LCN8: variants seen among roughly 807,000 people sequenced by gnomAD.
The protein encoded by LCN8 is lipocalin 8, also known as epididymal-specific lipocalin-8.
In LCN8, 16 loss-of-function variants were observed where a neutral mutation model predicts 22.8. The ratio of observed to expected loss-of-function variants is 0.70; its 90% confidence interval spans 0.47 to 1.06. LCN8 has a LOEUF of 1.06. Ranked by LOEUF, LCN8 falls within the 50% of genes least tolerant of loss-of-function variation. The pLI, the probability that LCN8 is intolerant of heterozygous loss-of-function variation, is 0.00. For synonymous variants in LCN8, 92 were observed against 83.4 expected (o/e 1.10, Z -0.56); for missense variants, 189 against 203.3 (o/e 0.93, Z 0.43).
chr9:136,758,002 C>T lies in LCN8; in HGVS notation c.-72G>A, dbSNP rs571140671. The T allele has an allele frequency of 8.0e-5, 128 of 1,590,376 alleles. 1 individual carries two copies. The highest frequency in any genetic ancestry group is 9.4e-5 in the Non-Finnish European group (110 of 1,170,264). ...GTGCACGGCAGCCTGGCCTCCGTGG[C>T]GGGGTCCGGGCTCCGGGTTCCCCTG... On this transcript the variant is annotated 5_prime_UTR_variant, in exon 1 of 7. Transcript: ENST00000371688.
At chr9:136,756,625 G>C in intron 2 of LCN8, 33 bp from the exon 3 acceptor site, 2 of 1,609,206 alleles carry the variant, frequency 1.2e-6, no homozygotes, top group Non-Finnish European at 1.7e-6. Flanking sequence ...TCGGTAAAAT[G>C]CTAGCCTGTG....
chr9:136,755,466 G>C lies in LCN8; in HGVS notation c.277C>G (p.Leu93Val). 6.2e-7 allele frequency: 1 copy of C among 1,613,348 alleles called. No individual in the cohort carries two copies. Among genetic ancestry groups the C allele is most frequent in the Non-Finnish European group, 8.5e-7 (1 of 1,180,012 alleles). ...CCCCGCCACATCAGGGACACCCGCA[G>C]GATGGCGTAGCCCTCGTAGTCGGTG... ...LDTDYEGYAILRVSLMWRGRN... is the reference protein window; with the variant it reads ...LDTDYEGYAIVRVSLMWRGRN... Residue 93 changes from leucine to valine, a missense_variant, in exon 4 of 7, where the codon CTG becomes GTG. Leu to Val is a conservative substitution (Grantham distance 32). Coordinates refer to ENST00000371688, the MANE Select transcript of LCN8 (RefSeq NM_178469.4).
chr9:136,755,587 G>C lies in LCN8; in HGVS notation c.227-71C>G. The C allele has an allele frequency of 3.9e-6, 6 of 1,547,674 alleles. No homozygotes were observed. The South Asian group carries it at 7.1e-5, about 18-fold the overall frequency. On this transcript the variant is annotated intron_variant, in intron 3 of 6. Coordinates refer to ENST00000371688, the MANE Select transcript of LCN8 (RefSeq NM_178469.4). Reference sequence around the variant, plus strand: ...GGACCTCGAAGGCCAGGGTCTGCAGGGTCTAACTCCATCCTGCCCCCACCC... The same window carrying C: ...GGACCTCGAAGGCCAGGGTCTGCAGCGTCTAACTCCATCCTGCCCCCACCC...
At chr9:136,757,507 T>G in intron 1 of LCN8, 1 of 1,345,152 alleles carries the variant, frequency 7.4e-7, no homozygotes, top group Non-Finnish European at 9.6e-7. Context: ...AGCAGAGGCC[T>G]GGAAAAGAAA....
At position 136,756,601 on chromosome 9, in the gene LCN8, C is replaced by A; in HGVS notation, c.156-9G>T. 1 of 1,612,552 alleles carries A rather than the reference C, an allele frequency of 6.2e-7. No homozygotes were observed. The highest frequency in any genetic ancestry group is 8.5e-7 in the Non-Finnish European group (1 of 1,178,988). ...TCTCACAGCTTCCTGAGCTGAAAGG[C>A]AGCAAAGTGCCCATCGGTAAAATGC... On this transcript the variant is annotated splice_polypyrimidine_tract_variant and intron_variant, in intron 2 of 6. Coordinates refer to ENST00000371688, the MANE Select transcript of LCN8 (RefSeq NM_178469.4).
rs138769056 is a variant in LCN8 at position 136,755,253 on chromosome 9, C to A, written c.412G>T (p.Ala138Ser). 590 of 1,612,588 alleles carry A rather than the reference C, an allele frequency of 3.7e-4. 1 individual carries two copies. The African/African-American group carries it at 7.2e-3, about 20-fold the overall frequency. The change falls in exon 5 of 7, where the codon GCC becomes TCC. Residue 138 changes from alanine (A) to serine (S), a missense_variant. By Grantham distance (99) the Ala-to-Ser change is moderately conservative (BLOSUM62 1). Coordinates refer to ENST00000371688, the MANE Select transcript of LCN8 (RefSeq NM_178469.4). ...LTADTGLYLA[A>S]RPGRCAELLK... ...AGGCCCCTGGGCTCACCAGGCCGGG[C>A]CGCCAGGTAGAGACCAGTGTCTGCT...
chr9:136,755,651 T>C, intron 3 of LCN8, 135 bp from the exon 4 acceptor site: 1 of 1,406,256 alleles, frequency 7.1e-7, no homozygotes, highest in Non-Finnish European at 9.3e-7. Flanking sequence ...CTACAGAAGC[T>C]TTTGAAGGAT....
chr9:136,757,755 G>T, intron 1 of LCN8, 152 bp downstream of exon 1: 1 of 1,551,126 alleles, frequency 6.4e-7, no homozygotes, highest in East Asian at 2.4e-5. Context: ...AGCCGGCACA[G>T]ACTCAGCGGA....
intron 2 of LCN8, among the ~76,000 whole-genome samples, chr9:136,756,799 C>G (rs990602578): frequency 1.3e-5 from 2 of 152,224 alleles, no homozygotes; most frequent in African/African-American, 4.8e-5. Context: ...CTGTCCCACA[C>G]CCCTTTTCCT....
rs745846838 is a variant in LCN8 at position 136,755,351 on chromosome 9, G to A, written c.332-18C>T. The A allele has an allele frequency of 1.4e-5, 23 of 1,609,840 alleles. No individual in the cohort carries two copies. The highest frequency in any genetic ancestry group is 2.2e-5 in the East Asian group (1 of 44,880). ...GCTCCGAGCTGTGGGGCACAGGGGG[G>A]CTGGGCGGGCAGTCCCTGGGAGAGC... is the stretch of plus-strand genomic sequence containing the variant. On this transcript the variant is annotated intron_variant, in intron 4 of 6. Coordinates refer to ENST00000371688, the MANE Select transcript of LCN8 (RefSeq NM_178469.4).
intron 6 of LCN8, chr9:136,754,785 G>A: frequency 1.5e-6 from 2 of 1,374,074 alleles, no homozygotes; most frequent in Non-Finnish European, 1.9e-6. Context: ...CCGCCGACGG[G>A]ACCTTCGGGG....
In LCN8 at chr9:136,757,030, C is replaced by A. The variant is rs991117154; in HGVS notation, c.155+8G>T. The A allele has an allele frequency of 1.2e-6, 2 of 1,612,492 alleles. No homozygotes were observed. The highest frequency in any genetic ancestry group is 8.5e-7 in the Non-Finnish European group (1 of 1,179,462). ...CTCTTCCTCTCCAGCAGCCCCCAGG[C>A]CTCTTACCTGTTATATGCAACCTTC... On this transcript the variant is annotated splice_region_variant and intron_variant, in intron 2 of 6. Transcript: ENST00000371688.
Position 136,755,161 on chromosome 9 carries a change from C to G in LCN8, c.422-1G>C. 6.2e-7 allele frequency: 1 copy of G among 1,600,094 alleles called. No homozygotes were observed. The highest frequency in any genetic ancestry group is 8.5e-7 in the Non-Finnish European group (1 of 1,172,648). ...TCCTTCAGGAGCTCGGCACACCGCC[C>G]TGCAGGATAGGCCAGCATGAGGAGC... On this transcript the variant is annotated splice_acceptor_variant, in intron 5 of 6. Coordinates refer to ENST00000371688, the MANE Select transcript of LCN8 (RefSeq NM_178469.4). LOFTEE classifies it high-confidence loss of function.
Position 136,755,261 on chromosome 9 carries a change from TAG to T in LCN8, c.402_403del (p.Tyr135ProfsTer50), listed in dbSNP as rs778146427. The T allele has an allele frequency of 6.2e-7, 1 of 1,612,462 alleles. No individual in the cohort carries two copies. Among genetic ancestry groups the T allele is most frequent in the East Asian group, 2.2e-5 (1 of 44,874 alleles). On this transcript the variant is annotated frameshift_variant, in exon 5 of 7. Coordinates refer to ENST00000371688, the MANE Select transcript of LCN8 (RefSeq NM_178469.4). LOFTEE classifies it high-confidence loss of function. Reference sequence around the variant, plus strand: ...GGGCTCACCAGGCCGGGCCGCCAGGTAGAGACCAGTGTCTGCTGTCAGCTCCC... The same window carrying T: ...GGGCTCACCAGGCCGGGCCGCCAGGTAGACCAGTGTCTGCTGTCAGCTCCC...
intron 1 of LCN8, 73 bp from the exon 2 acceptor site, chr9:136,757,241 C>G (rs113523961): frequency 1.2e-5 from 19 of 1,557,300 alleles, no homozygotes; most frequent in Non-Finnish European, 1.5e-5. Flanking sequence ...CACGAACCCC[C>G]GGGCAGGGGC....
At position 136,757,902 on chromosome 9, in the gene LCN8, G is replaced by A; in HGVS notation, c.24+5C>T. The stretch of plus-strand genomic sequence containing the variant: ...GAGCCCCACCAACTAAGAAGGAGAA[G>A]CCACCTTCTGCCGGTCCAGCTCCTC... On this transcript the variant is annotated splice_donor_5th_base_variant and intron_variant, in intron 1 of 6. Transcript: ENST00000371688. 1.9e-6 allele frequency: 3 copies of A among 1,613,750 alleles called. No individual in the cohort carries two copies. The South Asian group carries it at 3.3e-5, about 18-fold the overall frequency.
chr9:136,754,574 G>T (rs970264615), intron 6 of LCN8, 65 bp from the exon 7 acceptor site: 5 of 1,536,828 alleles, frequency 3.3e-6, no homozygotes, highest in Admixed American at 2.0e-5. Flanking sequence ...GGGCTTCGAT[G>T]AGGGCCACAC....
Position 136,757,986 on chromosome 9 carries a change from A to G in LCN8, c.-56T>C. ...GAGGACACCCAGGATGGTGCACGGCAGCCTGGCCTCCGTGGCGGGGTCCGG... is the reference window on the plus strand; with the variant it reads ...GAGGACACCCAGGATGGTGCACGGCGGCCTGGCCTCCGTGGCGGGGTCCGG... On this transcript the variant is annotated 5_prime_UTR_variant, in exon 1 of 7. Coordinates refer to ENST00000371688, the MANE Select transcript of LCN8 (RefSeq NM_178469.4). The G allele has an allele frequency of 6.2e-7, 1 of 1,607,924 alleles. No individual in the cohort carries two copies. Among genetic ancestry groups the G allele is most frequent in the African/African-American group, 1.3e-5 (1 of 74,826 alleles).
At chr9:136,754,698 G>A (rs762511909) in intron 6 of LCN8, 189 bp from the exon 7 acceptor site, 28 of 1,412,430 alleles carry the variant, frequency 2.0e-5, no homozygotes, top group Admixed American at 3.0e-5. Flanking sequence ...AAGACAAAGC[G>A]AGGTGAGGGA....
Sources: gnomAD v4.1 joint callset for allele counts (sites outside exome capture counted in the v4.1 genomes callset) on GRCh38, gnomAD v4.1.1 for gene constraint, MANE v1.5 for transcripts, NCBI Gene and HGNC (gene_info 2026-07-23, HGNC 2026-07-21) for gene names.